The following OR6N1 variants were observed in gnomAD, a reference collection of about 807,000 sequenced individuals.
OR6N1 encodes the protein olfactory receptor family 6 subfamily N member 1, also known as olfactory receptor 6N1.
For missense variants in OR6N1, 394 were observed against 371.7 expected (o/e 1.06, Z -0.49); for synonymous variants, 170 against 150.7 (o/e 1.13, Z -0.94).
the OR6N1 span, among the ~76,000 whole-genome samples, chr1:158,800,174 A>G: frequency 6.6e-6 from 1 of 152,212 alleles, no homozygotes; most frequent in Non-Finnish European, 1.5e-5. Flanking sequence ...CGTTTAAATC[A>G]GAAGTTCAAT....
the OR6N1 span, among the ~76,000 whole-genome samples, chr1:158,789,771 C>T: frequency 6.6e-6 from 1 of 152,164 alleles, no homozygotes; most frequent in African/African-American, 2.4e-5. Flanking sequence ...CAAATATTTT[C>T]TCCCATTGTG....
At chr1:158,837,591 A>G in the OR6N1 span, among the ~76,000 whole-genome samples, 1 of 151,736 alleles carries the variant, frequency 6.6e-6, no homozygotes, top group Non-Finnish European at 1.5e-5. Context: ...TTGTCCTTAC[A>G]TCTGTAAAAT....
the OR6N1 span, among the ~76,000 whole-genome samples, chr1:158,792,185 T>C: frequency 0.086 from 13,147 of 152,216 alleles, 864 homozygotes; most frequent in African/African-American, 0.19. Context: ...TGCTTTAAAG[T>C]CTGTTATACC....
chr1:158,769,286 C>G (rs866455969), intron 1 of OR6N1, among the ~76,000 whole-genome samples: 1 of 152,044 alleles, frequency 6.6e-6, no homozygotes, highest in Admixed American at 6.5e-5. Context: ...ACCTCCACCC[C>G]ACAAGTAGCT....
the OR6N1 span, among the ~76,000 whole-genome samples, chr1:158,779,018 C>CAAAAAAA: frequency 7.6e-4 from 66 of 86,382 alleles, 3 homozygotes; most frequent in South Asian, 0.016. Flanking sequence ...GACTGCGTCT[C>CAAAAAAA]AAAAAAAAAA....
the OR6N1 span, among the ~76,000 whole-genome samples, chr1:158,823,034 C>A: frequency 3.9e-5 from 6 of 152,076 alleles, no homozygotes; most frequent in Non-Finnish European, 7.3e-5. Context: ...TATGTTGAAC[C>A]AACCTTGCAT....
the OR6N1 span, among the ~76,000 whole-genome samples, chr1:158,801,239 C>A: frequency 3.9e-4 from 59 of 151,258 alleles, 1 homozygote; most frequent in South Asian, 0.012. Context: ...GTGGGGGTGG[C>A]GGTGGGGAGA....
chr1:158,830,810 T>C, the OR6N1 span, among the ~76,000 whole-genome samples: 1 of 152,344 alleles, frequency 6.6e-6, no homozygotes, highest in African/African-American at 2.4e-5. Context: ...TCTTTCAAAT[T>C]ATTTGAATAA....
upstream of OR6N1, among the ~76,000 whole-genome samples, chr1:158,773,899 T>A (rs2102012248): frequency 6.6e-6 from 1 of 152,330 alleles, no homozygotes; most frequent in African/African-American, 2.4e-5. Context: ...ACCACTTTAG[T>A]GCCTGCATTG....
At chr1:158,815,697 T>G in the OR6N1 span, among the ~76,000 whole-genome samples, 1 of 152,204 alleles carries the variant, frequency 6.6e-6, no homozygotes, top group Non-Finnish European at 1.5e-5. Flanking sequence ...ATGTCTATCT[T>G]GTAGATAGTG....
upstream of OR6N1, among the ~76,000 whole-genome samples, chr1:158,772,930 A>T (rs528029914): frequency 6.6e-6 from 1 of 152,250 alleles, no homozygotes; most frequent in African/African-American, 2.4e-5. Context: ...CTCTGCATAC[A>T]TGTATCAAAA....
the OR6N1 span, among the ~76,000 whole-genome samples, chr1:158,805,474 T>C: frequency 6.6e-6 from 1 of 152,196 alleles, no homozygotes; most frequent in Non-Finnish European, 1.5e-5. Context: ...GAAAGGCCAC[T>C]TACTGCTTGA....
chr1:158,776,850 T>C (rs1198701792), upstream of OR6N1: 3 of 1,614,188 alleles, frequency 1.9e-6, no homozygotes, highest in Non-Finnish European at 1.7e-6. Context: ...AGCTCTTCTT[T>C]AGCCGCACAT....
At chr1:158,828,779 A>G in the OR6N1 span, among the ~76,000 whole-genome samples, 3 of 152,202 alleles carry the variant, frequency 2.0e-5, no homozygotes, top group Admixed American at 2.0e-4. Context: ...GCACTGCCCT[A>G]GCAGAGGTTC....
the OR6N1 span, chr1:158,795,895 C>T: frequency 6.6e-6 from 1 of 152,268 alleles, no homozygotes; most frequent in Non-Finnish European, 1.5e-5. Context: ...CTGTTAAGTT[C>T]CTGTGCTGCT....
the OR6N1 span, chr1:158,777,573 G>A: frequency 1.9e-6 from 3 of 1,614,062 alleles, no homozygotes; most frequent in East Asian, 2.2e-5. Context: ...CCCTGACATA[G>A]CCCACACTGG....
At chr1:158,833,299 A>G in the OR6N1 span, among the ~76,000 whole-genome samples, 1 of 152,220 alleles carries the variant, frequency 6.6e-6, no homozygotes, top group South Asian at 2.1e-4. Flanking sequence ...GAAAGCTTTG[A>G]ATATAATAAT....
chr1:158,798,845 C>T, the OR6N1 span, among the ~76,000 whole-genome samples: 1 of 152,130 alleles, frequency 6.6e-6, no homozygotes, highest in Non-Finnish European at 1.5e-5. Flanking sequence ...TACGTGATTA[C>T]TGTGCAGCAT....
the OR6N1 span, among the ~76,000 whole-genome samples, chr1:158,827,657 G>A: frequency 2.6e-5 from 4 of 152,360 alleles, no homozygotes; most frequent in East Asian, 5.8e-4. Context: ...GCAAGAGATA[G>A]TGAGAACTTG....
Sources: allele counts gnomAD v4.1 joint callset (sites outside exome capture counted in the v4.1 genomes callset), GRCh38; gene constraint gnomAD v4.1.1; transcripts MANE v1.5; gene names NCBI Gene and HGNC (gene_info 2026-07-23, HGNC 2026-07-21).